The following ERO1B variants were observed in gnomAD, a reference collection of about 807,000 sequenced individuals.
ERO1B encodes ERO1-like protein beta.
Under a neutral mutation model 75.3 loss-of-function variants are expected in ERO1B, and 49 were observed. That is an observed-to-expected ratio of 0.65 (90% CI 0.52 to 0.83). The LOEUF (loss-of-function observed/expected upper bound fraction) is 0.83. Ranked by LOEUF, ERO1B falls within the 40% of genes least tolerant of loss-of-function variation. The probability of loss-of-function intolerance (pLI) is 0.00; values close to 1 mark genes in which losing one functional copy is unlikely to be tolerated. For synonymous variants in ERO1B, 191 were observed against 192.9 expected (o/e 0.99, Z 0.08); for missense variants, 512 against 560.1 (o/e 0.91, Z 0.87).
chr1:236,261,240 A>G (rs1283563461), intron 2 of ERO1B, among the ~76,000 whole-genome samples: 1 of 152,224 alleles, frequency 6.6e-6, no homozygotes, highest in African/African-American at 2.4e-5. Flanking sequence ...CTCTAAGATT[A>G]GAAACAAGAC....
At chr1:236,245,319 TATAC>T (rs1439553619) in intron 5 of ERO1B, among the ~76,000 whole-genome samples, 1,087 of 19,458 alleles carry the variant, frequency 0.056, 232 homozygotes, top group African/African-American at 0.095. Context: ...TATATATATA[TATAC>T]ACACACGTAT....
intron 1 of ERO1B, 126 bp downstream of exon 1, chr1:236,281,556 T>C: frequency 1.6e-6 from 1 of 622,560 alleles, no homozygotes; most frequent in Non-Finnish European, 2.3e-6. Context: ...GGTTTTCTGC[T>C]CGCCAGAAAT....
intron 2 of ERO1B, among the ~76,000 whole-genome samples, chr1:236,266,961 A>G (rs1665456857): frequency 6.6e-6 from 1 of 152,192 alleles, no homozygotes; most frequent in Admixed American, 6.5e-5. Context: ...CAAGAACCAC[A>G]TTGTCACTTT....
intron 6 of ERO1B, among the ~76,000 whole-genome samples, chr1:236,241,490 C>T (rs1230493574): frequency 6.6e-6 from 1 of 151,952 alleles, no homozygotes; most frequent in Non-Finnish European, 1.5e-5. Context: ...TTGCAGTGAG[C>T]CAAGATTGTG....
intron 9 of ERO1B, among the ~76,000 whole-genome samples, chr1:236,231,854 G>C (rs1053104712): frequency 2.0e-5 from 3 of 152,112 alleles, no homozygotes; most frequent in Non-Finnish European, 2.9e-5. Flanking sequence ...CACCTCAAGT[G>C]CCAACAGGAA....
At position 236,216,589 on chromosome 1, in the gene ERO1B, G is replaced by A. The variant is rs1374301298; in HGVS notation, c.*1927C>T. 1.3e-5 allele frequency: 2 copies of A among 151,958 alleles called. No individual in the cohort carries two copies. Among genetic ancestry groups the A allele is most frequent in the Non-Finnish European group, 2.9e-5 (2 of 67,956 alleles). The allele number at this position is 151,958 out of a possible 1,614,324, so 9.4% of individuals were successfully genotyped here. On this transcript the variant is annotated 3_prime_UTR_variant, in exon 16 of 16. Coordinates refer to ENST00000354619, the MANE Select transcript of ERO1B (RefSeq NM_019891.4). ...TCCTAGAACATACTCTAATATACTA[G>A]TTTTCCTAAGCTTGAAACAAATCAC...
chr1:236,241,848 C>CACG (rs1244369624), intron 6 of ERO1B, among the ~76,000 whole-genome samples: 140 of 152,066 alleles, frequency 9.2e-4, no homozygotes, highest in African/African-American at 3.2e-3. Flanking sequence ...GCAGGTGGAT[C>CACG]ACGAGGTCAG....
chr1:236,263,087 C>T (rs1665329348), intron 2 of ERO1B, among the ~76,000 whole-genome samples: 1 of 152,130 alleles, frequency 6.6e-6, no homozygotes, highest in Non-Finnish European at 1.5e-5. Flanking sequence ...TCTCCCTTTG[C>T]CCAATCCTGA....
intron 10 of ERO1B, among the ~76,000 whole-genome samples, chr1:236,229,613 G>A (rs767523000): frequency 2.6e-5 from 4 of 151,910 alleles, no homozygotes; most frequent in African/African-American, 9.7e-5. Flanking sequence ...ATGGCAATTT[G>A]GTAAGGTAAA....
chr1:236,268,904 A>G (rs923229664), intron 2 of ERO1B, among the ~76,000 whole-genome samples: 1 of 151,848 alleles, frequency 6.6e-6, no homozygotes, highest in African/African-American at 2.4e-5. Flanking sequence ...AAATAAAAGC[A>G]AAAACAAAAA....
At position 236,226,487 on chromosome 1, in the gene ERO1B, AG is replaced by A; in HGVS notation, c.833del (p.Pro278LeufsTer31). On this transcript the variant is annotated frameshift_variant, in exon 12 of 16. Coordinates refer to ENST00000354619, the MANE Select transcript of ERO1B (RefSeq NM_019891.4). LOFTEE classifies it high-confidence loss of function. Reference protein sequence around the residue: ...EETWGKPSWGPNIKEFKHRFD... With the variant: ...EETWGKPSWGXNIKEFKHRFD... ...AGCGGTGTTTGAATTCTTTAATATT[AG>A]GTCCCCAACTGGGCTTACCCCAGGT... 3 of 1,614,032 alleles carry A rather than the reference AG, an allele frequency of 1.9e-6. No homozygotes were observed. Among genetic ancestry groups the A allele is most frequent in the Non-Finnish European group, 2.5e-6 (3 of 1,179,988 alleles).
At chr1:236,230,149 G>A in intron 10 of ERO1B, 75 bp downstream of exon 10, 1 of 1,217,466 alleles carries the variant, frequency 8.2e-7, no homozygotes, top group Non-Finnish European at 1.2e-6. Flanking sequence ...TAAAATCCTA[G>A]ACCTTACAAA....
At position 236,252,075 on chromosome 1, in the gene ERO1B, C is replaced by A; in HGVS notation, c.323G>T (p.Gly108Val). The A allele has an allele frequency of 6.2e-7, 1 of 1,601,384 alleles. No individual in the cohort carries two copies. Among genetic ancestry groups the A allele is most frequent in the South Asian group, 1.1e-5 (1 of 89,818 alleles). ...EPCPESKIPVGIKAGHSNKYL... is the reference protein window; with the variant it reads ...EPCPESKIPVVIKAGHSNKYL... ...CTTATTAGAATGCCCAGCTTTTATT[C>A]CAACCGGAATTTTACTCTTAAAAAA... The change falls in exon 4 of 16, where the codon GGA (glycine) becomes GTA (valine). Residue 108 changes from glycine (G) to valine (V), a missense_variant. Coordinates refer to ENST00000354619, the MANE Select transcript of ERO1B (RefSeq NM_019891.4).
chr1:236,254,833 G>A (rs1198457847), intron 2 of ERO1B, among the ~76,000 whole-genome samples: 1 of 151,832 alleles, frequency 6.6e-6, no homozygotes, highest in Non-Finnish European at 1.5e-5. Context: ...GGCTGGTTTC[G>A]AACTCCTGAC....
chr1:236,240,097 G>A (rs550153418), intron 6 of ERO1B, among the ~76,000 whole-genome samples: 1 of 151,334 alleles, frequency 6.6e-6, no homozygotes, highest in East Asian at 2.0e-4. Context: ...TAGAGGCAGG[G>A]TTTTGCCATG....
Position 236,270,015 on chromosome 1 carries a change from A to G in ERO1B, c.103-21T>C, listed in dbSNP as rs760782144. 7.2e-6 allele frequency: 11 copies of G among 1,525,324 alleles called. No homozygotes were observed. In the South Asian group the frequency reaches 1.1e-4, roughly 15 times the overall value. 94.5% of individuals were successfully genotyped at this position (1,525,324 alleles called of 1,614,324 possible). The stretch of plus-strand genomic sequence containing the variant: ...GTGACCTAGAATTTATATAATTTAA[A>G]ATATGTAAACTACTGATGTTTCAAC... On this transcript the variant is annotated intron_variant, in intron 1 of 15. Coordinates refer to ENST00000354619, the MANE Select transcript of ERO1B (RefSeq NM_019891.4).
chr1:236,230,542 G>A (rs1664380843), intron 9 of ERO1B, among the ~76,000 whole-genome samples: 2 of 144,528 alleles, frequency 1.4e-5, no homozygotes, highest in South Asian at 4.4e-4. Context: ...GACCCAGGAG[G>A]CTAAGGTTGC....
chr1:236,269,961 T>C lies in ERO1B; in HGVS notation c.136A>G (p.Ile46Val), dbSNP rs780855258. 2 of 1,603,822 alleles carry C rather than the reference T, an allele frequency of 1.2e-6. No homozygotes were observed. The highest frequency in any genetic ancestry group is 1.1e-5 in the South Asian group (1 of 90,610). Residue 46 changes from isoleucine (I) to valine (V), a missense_variant, in exon 2 of 16, where the codon ATT (isoleucine) becomes GTT (valine). Transcript: ENST00000354619. ...TGVLDDCLCD[I>V]DSIDNFNTYK... ...GTATTGAAGTTATCGATGCTGTCAA[T>C]ATCACACAAGCAATCATCCAGAACT... is the stretch of plus-strand genomic sequence containing the variant.
rs769733128 is a variant in ERO1B at position 236,269,903 on chromosome 1, T to C, written c.194A>G (p.Gln65Arg). 3 of 1,596,596 alleles carry C rather than the reference T, an allele frequency of 1.9e-6. No individual in the cohort carries two copies. Among genetic ancestry groups the C allele is most frequent in the Admixed American group, 1.7e-5 (1 of 59,922 alleles). ...GTAATAACGAAAATAGTCTCTCTCTTGCAATTTTTTTATTTTGGGGAAGAT... is the reference window on the plus strand; with the variant it reads ...GTAATAACGAAAATAGTCTCTCTCTCGCAATTTTTTTATTTTGGGGAAGAT... The part of the protein sequence containing the change: ...YKIFPKIKKL[Q>R]ERDYFRYYKV... Residue 65 changes from glutamine (Q) to arginine (R), a missense_variant, in exon 2 of 16, where the codon CAA (glutamine) becomes CGA (arginine). Transcript: ENST00000354619.
Sources: allele counts gnomAD v4.1 joint callset (sites outside exome capture counted in the v4.1 genomes callset), GRCh38; gene constraint gnomAD v4.1.1; transcripts MANE v1.5; gene names NCBI Gene and HGNC (gene_info 2026-07-23, HGNC 2026-07-21).